CUX2: variants seen among roughly 807,000 people sequenced by gnomAD.
The protein encoded by CUX2 is homeobox protein cut-like 2.
A neutral mutation model predicts 144.8 loss-of-function variants in CUX2; 40 were observed. That is an observed-to-expected ratio of 0.28 (90% CI 0.21 to 0.36). The LOEUF (loss-of-function observed/expected upper bound fraction) is 0.36, where lower values mean the gene tolerates loss of function less well. Among genes scored for constraint, CUX2 ranks in the 10% least tolerant of loss-of-function variants. The pLI is 1.00. For synonymous variants in CUX2, 827 were observed against 875.6 expected, an observed-to-expected ratio of 0.94 and a Z score of 0.98; for missense variants, 1,615 against 1,994.0, an observed-to-expected ratio of 0.81 and a Z score of 3.62.
rs1885442417 is a variant in CUX2, at chr12:111,287,364, G to A, written c.302-4054G>A. Among the ~76,000 whole-genome samples the A allele has an allele frequency of 2.0e-5, 3 of 152,352 alleles. No individual in the cohort carries two copies. Among genetic ancestry groups the A allele is most frequent in the South Asian group, 2.1e-4 (1 of 4,830 alleles). On this transcript the variant is annotated intron_variant, in intron 4 of 21. Transcript: ENST00000261726. This position sits in a 1 kb window ranked among gnomAD's most constrained non-coding sequence, Gnocchi z 4.2. ...TGCGCAGTCCGCGTGGCACCGCACC[G>A]TCTTGTGTTTGTCTAACTTCCCTGA...
intron 1 of CUX2, among the ~76,000 whole-genome samples, chr12:111,212,140 A>G (rs561095898): frequency 1.3e-5 from 2 of 152,194 alleles, no homozygotes; most frequent in South Asian, 4.1e-4. Flanking sequence ...ATTGCTGCAA[A>G]CACTGATCTC....
At chr12:111,202,418 G>A (rs893052580) in intron 1 of CUX2, among the ~76,000 whole-genome samples, 7 of 152,310 alleles carry the variant, frequency 4.6e-5, no homozygotes, top group East Asian at 1.9e-4. Flanking sequence ...ATAATTAGGC[G>A]TTTGATTGGC....
chr12:111,327,002 C>T (rs972059508), intron 18 of CUX2, among the ~76,000 whole-genome samples: 6 of 152,262 alleles, frequency 3.9e-5, no homozygotes, highest in African/African-American at 9.6e-5. Flanking sequence ...ATGCACAATG[C>T]GTGTGACCAT....
intron 1 of CUX2, among the ~76,000 whole-genome samples, chr12:111,208,167 A>T (rs533983701): frequency 6.6e-6 from 1 of 152,152 alleles, no homozygotes; most frequent in East Asian, 1.9e-4. Flanking sequence ...AAAGCCTAGG[A>T]ACAACTGAGG....
At chr12:111,169,171 G>A (rs1002091313) in intron 1 of CUX2, among the ~76,000 whole-genome samples, 3 of 152,166 alleles carry the variant, frequency 2.0e-5, no homozygotes, top group African/African-American at 7.2e-5. Context: ...TGAAGACAGG[G>A]ACACTCAGGG....
chr12:111,344,441 T>A (rs1888709961), intron 21 of CUX2, among the ~76,000 whole-genome samples: 1 of 151,342 alleles, frequency 6.6e-6, no homozygotes, highest in African/African-American at 2.4e-5. Flanking sequence ...TGAATAGGAG[T>A]TTGCACAAAG....
At chr12:111,318,921 T>C (rs1887352469) in intron 16 of CUX2, among the ~76,000 whole-genome samples, 1 of 152,000 alleles carries the variant, frequency 6.6e-6, no homozygotes, top group African/African-American at 2.4e-5. Flanking sequence ...TGCCTCAGCC[T>C]CCCAAAGTGC....
intron 3 of CUX2, among the ~76,000 whole-genome samples, chr12:111,260,923 A>G (rs909446813): frequency 6.6e-6 from 1 of 152,198 alleles, no homozygotes; most frequent in Non-Finnish European, 1.5e-5. Context: ...CTGGTCTTTG[A>G]TAATTCTCCT....
intron 3 of CUX2, among the ~76,000 whole-genome samples, chr12:111,234,314 G>GC (rs1254717583): frequency 6.6e-6 from 1 of 152,184 alleles, no homozygotes; most frequent in Non-Finnish European, 1.5e-5. Flanking sequence ...GAGCAGCAAA[G>GC]CAGGAGCAAG....
chr12:111,108,051 C>T (rs1834493472), intron 1 of CUX2, among the ~76,000 whole-genome samples: 1 of 152,214 alleles, frequency 6.6e-6, no homozygotes, highest in African/African-American at 2.4e-5. Flanking sequence ...TCCCCATAGT[C>T]TCCCTTAATC....
At chr12:111,188,172 C>A (rs1167279591) in intron 1 of CUX2, among the ~76,000 whole-genome samples, 1 of 152,230 alleles carries the variant, frequency 6.6e-6, no homozygotes, top group Non-Finnish European at 1.5e-5. Flanking sequence ...ATTTATTGAG[C>A]ACCTACTGTG....
At chr12:111,177,934 A>G (rs1878953130) in intron 1 of CUX2, among the ~76,000 whole-genome samples, 1 of 152,254 alleles carries the variant, frequency 6.6e-6, no homozygotes, top group Non-Finnish European at 1.5e-5. Flanking sequence ...GAATCACCCC[A>G]TACAAAATGC....
intron 3 of CUX2, among the ~76,000 whole-genome samples, chr12:111,243,054 T>C (rs1166066681): frequency 6.6e-6 from 1 of 152,204 alleles, no homozygotes; most frequent in Non-Finnish European, 1.5e-5. Context: ...TATGGCTGCA[T>C]AGTATTCCAT....
chr12:111,094,244 C>A (rs1218699940), intron 1 of CUX2, among the ~76,000 whole-genome samples: 1 of 152,192 alleles, frequency 6.6e-6, no homozygotes, highest in African/African-American at 2.4e-5. Context: ...ATCGATCACT[C>A]CAAGAGCCGC....
Position 111,255,875 on chromosome 12 carries a change from A to T in CUX2, c.223-7886A>T, listed in dbSNP as rs1883790734. ...CAGAAGGGTGCTGTAAAGAAAAGGG[A>T]TCTTTCACAGGGACTGTCAGAGTGA... is the stretch of plus-strand genomic sequence containing the variant. On this transcript the variant is annotated intron_variant, in intron 3 of 21. Coordinates refer to ENST00000261726, the MANE Select transcript of CUX2 (RefSeq NM_015267.4). This position sits in a 1 kb window ranked among gnomAD's most constrained non-coding sequence, Gnocchi z 4.1. Among the ~76,000 whole-genome samples, 1 of 152,088 alleles carries T rather than the reference A, an allele frequency of 6.6e-6. No homozygotes were observed. Among genetic ancestry groups the T allele is most frequent in the Admixed American group, 6.5e-5 (1 of 15,272 alleles).
In CUX2 at chr12:111,178,502, C is replaced by T. The variant is rs61321370; in HGVS notation, c.64-35698C>T. ...CCCGGTCCAGCCACTCCCCCTCCCC[C>T]ATTTAAAACACAGAACGTGACTGAG... On this transcript the variant is annotated intron_variant, in intron 1 of 21. Transcript: ENST00000261726. The surrounding 1 kb of genome is among the most constrained non-coding windows in gnomAD (Gnocchi z 5.7). Among the ~76,000 whole-genome samples the T allele has an allele frequency of 1.3e-5, 2 of 152,130 alleles. No individual in the cohort carries two copies. Among genetic ancestry groups the T allele is most frequent in the Non-Finnish European group, 2.9e-5 (2 of 68,028 alleles).
intron 18 of CUX2, among the ~76,000 whole-genome samples, chr12:111,330,155 G>A (rs1287754846): frequency 6.6e-6 from 1 of 152,192 alleles, no homozygotes; most frequent in Non-Finnish European, 1.5e-5. Context: ...TGGGGGCACA[G>A]TAGACTTCTT....
Position 111,070,393 on chromosome 12 carries a change from T to C in CUX2, c.63+36153T>C, listed in dbSNP as rs369706223. On this transcript the variant is annotated intron_variant, in intron 1 of 21. Coordinates refer to ENST00000261726, the MANE Select transcript of CUX2 (RefSeq NM_015267.4). ...CCCTCCCTTCTTCCTTCCTTCCTTC[T>C]TTCCTTCCTTCCTTCCTTCCTTCCT... Among the ~76,000 whole-genome samples, 24 of 99,482 alleles carry C rather than the reference T, an allele frequency of 2.4e-4. 1 individual carries two copies. The highest frequency in any genetic ancestry group is 1.0e-3 in the African/African-American group (23 of 22,974). 65.3% of individuals were successfully genotyped at this position (99,482 alleles called of 152,430 possible). A position where few individuals can be genotyped will look rare whatever the true frequency, so the allele number is the denominator to read the frequency against.
At chr12:111,145,672 A>G (rs185107732) in intron 1 of CUX2, among the ~76,000 whole-genome samples, 52 of 150,712 alleles carry the variant, frequency 3.5e-4, no homozygotes, top group Admixed American at 6.6e-4. Flanking sequence ...TCGGCTATTT[A>G]TTTATTTATT....
Sources: gnomAD v4.1 joint callset for allele counts (sites outside exome capture counted in the v4.1 genomes callset) on GRCh38, gnomAD v4.1.1 for gene constraint, Gnocchi (gnomAD v3.1) non-coding constraint, MANE v1.5 for transcripts, NCBI Gene and HGNC (gene_info 2026-07-23, HGNC 2026-07-21) for gene names.